TAFA2: variants seen among roughly 807,000 people sequenced by gnomAD.
TAFA2 encodes the protein TAFA chemokine like family member 2.
TAFA2 carries 7 observed loss-of-function variants against 18.8 expected under a neutral mutation model. That is an observed-to-expected ratio of 0.37 (90% CI 0.21 to 0.70). The LOEUF is 0.70. TAFA2 is among the 30% of genes least tolerant of loss of function. TAFA2 has a pLI of 0.53. For synonymous variants in TAFA2, 60 were observed against 54.2 expected (o/e 1.11, Z -0.47); for missense variants, 122 against 158.1 (o/e 0.77, Z 1.23).
chr12:61,861,244 G>A (rs1874113724), intron 2 of TAFA2, among the ~76,000 whole-genome samples: 1 of 148,478 alleles, frequency 6.7e-6, no homozygotes, highest in South Asian at 2.1e-4. Context: ...AGGCCACTGT[G>A]CCTGGCCTCG....
At chr12:61,755,927 A>G (rs1211202704) in intron 2 of TAFA2, among the ~76,000 whole-genome samples, 1 of 152,136 alleles carries the variant, frequency 6.6e-6, no homozygotes, top group East Asian at 1.9e-4. Flanking sequence ...ACAGCTTAAA[A>G]TCAAACATTT....
At chr12:62,142,625 A>G (rs1012274758) in intron 1 of TAFA2, among the ~76,000 whole-genome samples, 1 of 152,182 alleles carries the variant, frequency 6.6e-6, no homozygotes, top group Non-Finnish European at 1.5e-5. Flanking sequence ...GAAAAGTTCT[A>G]CCCAAGTCAG....
intron 2 of TAFA2, among the ~76,000 whole-genome samples, chr12:61,776,634 T>C (rs1008014479): frequency 6.6e-6 from 1 of 151,804 alleles, no homozygotes; most frequent in Non-Finnish European, 1.5e-5. Context: ...AGCCAAGTCA[T>C]ATCAGCAAAA....
At chr12:61,751,544 A>T (rs986067163) in intron 4 of TAFA2, among the ~76,000 whole-genome samples, 15 of 151,970 alleles carry the variant, frequency 9.9e-5, no homozygotes, top group Middle Eastern at 3.4e-3. Context: ...ATCTTAAAAG[A>T]AACTAAATCT....
At chr12:61,879,836 G>A (rs951715608) in intron 1 of TAFA2, 4 of 1,298,316 alleles carry the variant, frequency 3.1e-6, no homozygotes, top group African/African-American at 2.9e-5. Flanking sequence ...GCAGGAGCTG[G>A]TGGAGGACTT....
At chr12:61,831,698 AT>A (rs532324812) in intron 2 of TAFA2, among the ~76,000 whole-genome samples, 19 of 152,010 alleles carry the variant, frequency 1.2e-4, no homozygotes, top group Non-Finnish European at 2.1e-4. Context: ...TTAATTTTTA[AT>A]TTTTTTTATT....
intron 1 of TAFA2, among the ~76,000 whole-genome samples, chr12:62,019,904 TTTAA>T (rs1441065247): frequency 5.9e-5 from 9 of 152,194 alleles, no homozygotes; most frequent in Admixed American, 1.3e-4. Flanking sequence ...AAGTTTCCAA[TTTAA>T]TTATTTTCAA....
chr12:61,955,617 AAAAAAAAAAAAAAAAATATATAT>A (rs1271524891), intron 1 of TAFA2, among the ~76,000 whole-genome samples: 2 of 29,312 alleles, frequency 6.8e-5, no homozygotes, highest in African/African-American at 1.9e-4. Context: ...AAAAAAAAAA[AAAAAAAAAAAAAAAAATATATAT>A]ATATATATAT....
intron 1 of TAFA2, among the ~76,000 whole-genome samples, chr12:62,184,731 C>T (rs1285344522): frequency 2.0e-5 from 3 of 151,718 alleles, no homozygotes; most frequent in Admixed American, 1.3e-4. Context: ...AACTCCTGGG[C>T]TCAAGTGATC....
chr12:62,069,628 T>C (rs951544939), intron 1 of TAFA2, among the ~76,000 whole-genome samples: 1 of 152,132 alleles, frequency 6.6e-6, no homozygotes, highest in Non-Finnish European at 1.5e-5. Context: ...AGAAAACATA[T>C]AAATTCCTTA....
rs1171817357 is a variant in TAFA2, at chr12:61,982,556, T to C, written c.-1-115130A>G. ...TACCTATCCAGGTTCTTAACATGTA[T>C]CCATGTTGCTCTGTTTATATCCAGT... On this transcript the variant is annotated intron_variant, in intron 1 of 4. Coordinates refer to ENST00000416284, the MANE Select transcript of TAFA2 (RefSeq NM_178539.5). Among the ~76,000 whole-genome samples, 4 of 152,222 alleles carry C rather than the reference T, an allele frequency of 2.6e-5. No individual in the cohort carries two copies. In the East Asian group the frequency reaches 7.7e-4, roughly 29 times the overall value.
At chr12:61,772,329 CA>C in intron 2 of TAFA2, among the ~76,000 whole-genome samples, 1 of 151,990 alleles carries the variant, frequency 6.6e-6, no homozygotes, top group Non-Finnish European at 1.5e-5. Context: ...ACCCTATTCA[CA>C]CTATTCCAAA....
chr12:62,144,538 G>A (rs1417688362), intron 1 of TAFA2, among the ~76,000 whole-genome samples: 1 of 152,096 alleles, frequency 6.6e-6, no homozygotes, highest in African/African-American at 2.4e-5. Flanking sequence ...TGACACCATT[G>A]TGGTAGTACA....
chr12:62,149,972 T>C (rs995888154), intron 1 of TAFA2, among the ~76,000 whole-genome samples: 3 of 152,310 alleles, frequency 2.0e-5, no homozygotes, highest in African/African-American at 4.8e-5. Flanking sequence ...AAAACTCTTC[T>C]CTTTCCTATT....
intron 2 of TAFA2, among the ~76,000 whole-genome samples, chr12:61,850,990 G>T (rs1264860549): frequency 6.6e-6 from 1 of 152,030 alleles, no homozygotes; most frequent in African/African-American, 2.4e-5. Context: ...TCAACATTTT[G>T]AAATATGAAA....
chr12:61,962,206 G>A (rs1373020801), intron 1 of TAFA2, among the ~76,000 whole-genome samples: 6 of 151,906 alleles, frequency 3.9e-5, no homozygotes, highest in Non-Finnish European at 8.8e-5. Context: ...CTAAATCCCT[G>A]AAAAGTAATT....
intron 1 of TAFA2, among the ~76,000 whole-genome samples, chr12:62,056,362 A>C: frequency 6.6e-6 from 1 of 152,364 alleles, no homozygotes; most frequent in South Asian, 2.1e-4. Context: ...CATAAAAACA[A>C]CTAACCACAA....
chr12:62,077,613 A>G (rs535599711), intron 1 of TAFA2, among the ~76,000 whole-genome samples: 2 of 152,310 alleles, frequency 1.3e-5, no homozygotes, highest in East Asian at 3.9e-4. Flanking sequence ...TAAATTTTAT[A>G]AAGACATCAA....
chr12:61,912,782 A>G (rs1041956051), intron 1 of TAFA2, among the ~76,000 whole-genome samples: 1 of 152,210 alleles, frequency 6.6e-6, no homozygotes, highest in Non-Finnish European at 1.5e-5. Context: ...CTGTGATAAA[A>G]CACAGGTGAA....
Sources: allele counts gnomAD v4.1 joint callset (sites outside exome capture counted in the v4.1 genomes callset), GRCh38; gene constraint gnomAD v4.1.1; transcripts MANE v1.5; gene names NCBI Gene and HGNC (gene_info 2026-07-23, HGNC 2026-07-21).